Variants in SMARCB1 observed in about 807,000 individuals in gnomAD.
SMARCB1 encodes SWI/SNF-related matrix-associated actin-dependent regulator of chromatin subfamily B member 1.
In SMARCB1, 5 loss-of-function variants were observed where a neutral mutation model predicts 49.0. The ratio of observed to expected loss-of-function variants is 0.10; its 90% CI spans 0.05 to 0.21. The LOEUF (loss-of-function observed/expected upper bound fraction) is 0.21, where lower values mean the gene tolerates loss of function less well. SMARCB1 is among the 10% of genes least tolerant of loss of function. SMARCB1 has a pLI of 1.00. For missense variants in SMARCB1, 226 were observed against 509.2 expected, an observed-to-expected ratio of 0.44 and a Z score of 5.35; for synonymous variants, 201 against 200.1, an observed-to-expected ratio of 1.00 and a Z score of -0.04.
At chr22:23,812,477 T>G (rs1318134376) in intron 5 of SMARCB1, among the ~76,000 whole-genome samples, 1 of 152,156 alleles carries the variant, frequency 6.6e-6, no homozygotes, top group Non-Finnish European at 1.5e-5. Flanking sequence ...TGATCAATTT[T>G]ATAAAGCTCG....
chr22:23,793,597 T>A lies in SMARCB1; in HGVS notation c.271T>A (p.Leu91Ile), dbSNP rs746745700. The A allele has an allele frequency of 6.2e-7, 1 of 1,614,044 alleles. No homozygotes were observed. The highest frequency in any genetic ancestry group is 1.7e-5 in the Admixed American group (1 of 60,012). The change falls in exon 3 of 9, where the codon TTA becomes ATA. Residue 91 changes from leucine to isoleucine, a missense_variant. By Grantham distance (5) the Leu-to-Ile change is conservative. Around this residue, in one of 6 missense-constraint regions of SMARCB1, gnomAD observed 128 missense variants for 263.9 expected, o/e 0.49. Coordinates refer to ENST00000644036, the MANE Select transcript of SMARCB1 (RefSeq NM_003073.5). ...YTTLATSVTL[L>I]KASEVEEILD... is the part of the protein sequence containing the mutation. The stretch of plus-strand genomic sequence containing the variant: ...GACTCTAGCCACCAGTGTGACCCTG[T>A]TAAAAGCCTCGGAAGTGGAAGAGAT...
In SMARCB1 at chr22:23,836,451, C is replaced by G; in HGVS notation, c.*2271C>G. The G allele has an allele frequency of 1.0e-6, 1 of 992,044 alleles. No individual in the cohort carries two copies. Among genetic ancestry groups the G allele is most frequent in the African/African-American group, 1.7e-5 (1 of 57,576 alleles). 61.5% of individuals were successfully genotyped at this position (992,044 alleles called of 1,614,324 possible). ...GAAATCTGGTGAACTTCCCCGCTGA[C>G]TGGCAGGTAGCAGAGGCCTATGGTG... On this transcript the variant is annotated 3_prime_UTR_variant, in exon 9 of 9. Coordinates refer to ENST00000644036, the MANE Select transcript of SMARCB1 (RefSeq NM_003073.5).
At chr22:23,818,135 T>TGG (rs199771832) in intron 6 of SMARCB1, 12,211 of 69,798 alleles carry the variant, frequency 0.17, 653 homozygotes, top group South Asian at 0.38. Context: ...CGAAATACTT[T>TGG]GGGTGTGTGT....
At chr22:23,801,689 GTCTC>G (rs1568942150) in intron 4 of SMARCB1, 1 of 292,516 alleles carries the variant, frequency 3.4e-6, no homozygotes, top group Non-Finnish European at 6.7e-6. Context: ...AAACTTCCCT[GTCTC>G]TCTCTTAGAA....
At chr22:23,826,617 A>G (rs1275370983) in intron 7 of SMARCB1, among the ~76,000 whole-genome samples, 1 of 152,222 alleles carries the variant, frequency 6.6e-6, no homozygotes, top group Admixed American at 6.5e-5. Context: ...ATCTGCAGTC[A>G]TCACTCAGGG....
chr22:23,817,015 A>C, intron 6 of SMARCB1, 79 bp downstream of exon 6: 1 of 1,191,792 alleles, frequency 8.4e-7, no homozygotes, highest in Non-Finnish European at 1.2e-6. Context: ...AGGGTACACC[A>C]AGGCCTCAGC....
intron 6 of SMARCB1, 38 bp from the exon 7 acceptor site, chr22:23,825,187 C>T (rs769803365): frequency 3.7e-6 from 6 of 1,601,964 alleles, no homozygotes; most frequent in Non-Finnish European, 5.1e-6. Context: ...CCCTGGGCTG[C>T]AAAAGCTCTA....
chr22:23,822,957 C>CT lies in SMARCB1; in HGVS notation c.796-2227dup, dbSNP rs58056758. Among the ~76,000 whole-genome samples the CT allele has an allele frequency of 5.5e-4, 40 of 72,758 alleles. 9 individuals carry two copies. Among genetic ancestry groups the CT allele is most frequent in the Non-Finnish European group, 9.9e-4 (37 of 37,374 alleles). 47.7% of individuals were successfully genotyped at this position (72,758 alleles called of 152,430 possible). On this transcript the variant is annotated intron_variant, in intron 6 of 8. Coordinates refer to ENST00000644036, the MANE Select transcript of SMARCB1 (RefSeq NM_003073.5). Reference sequence around the variant, plus strand: ...TCTGTCAGTGCCCCCACCAGCATAGCTTTTTTTTTTTTTTTTTTTTTTTTT... The same window carrying CT: ...TCTGTCAGTGCCCCCACCAGCATAGCTTTTTTTTTTTTTTTTTTTTTTTTTT...
Position 23,837,591 on chromosome 22 carries a change from G to C in SMARCB1, c.*3411G>C. On this transcript the variant is annotated 3_prime_UTR_variant, in exon 9 of 9. Transcript: ENST00000644036. Reference sequence around the variant, plus strand: ...CAGCAAGGATGGGAGAGGGGCCCCAGGGCATAAGCAGCGTGTCCTGAGGGG... The same window carrying C: ...CAGCAAGGATGGGAGAGGGGCCCCACGGCATAAGCAGCGTGTCCTGAGGGG... 1 of 1,524,710 alleles carries C rather than the reference G, an allele frequency of 6.6e-7. No individual in the cohort carries two copies. Among genetic ancestry groups the C allele is most frequent in the South Asian group, 1.2e-5 (1 of 81,508 alleles). The allele number at this position is 1,524,710 out of a possible 1,614,324, so 94.4% of individuals were successfully genotyped here. A position where few individuals can be genotyped will look rare whatever the true frequency, so the allele number is the denominator to read the frequency against.
At chr22:23,801,272 C>A in intron 4 of SMARCB1, 191 bp downstream of exon 4, 1 of 820,204 alleles carries the variant, frequency 1.2e-6, no homozygotes, top group Non-Finnish European at 2.0e-6. Context: ...CTCCTTGGCT[C>A]TGTCTGCTGT....
intron 6 of SMARCB1, chr22:23,817,584 C>T (rs1475082325): frequency 1.3e-5 from 2 of 153,146 alleles, no homozygotes; most frequent in Non-Finnish European, 2.9e-5. Context: ...TTTAGGAAAA[C>T]ATTGATGTAT....
At chr22:23,799,760 C>T (rs1929027144) in intron 3 of SMARCB1, among the ~76,000 whole-genome samples, 2 of 144,456 alleles carry the variant, frequency 1.4e-5, no homozygotes, top group South Asian at 2.2e-4. Flanking sequence ...TGTTGGCTCA[C>T]TGCAAGCTCT....
intron 7 of SMARCB1, chr22:23,825,676 C>A: frequency 1.9e-6 from 1 of 531,874 alleles, no homozygotes; most frequent in African/African-American, 1.9e-5. Flanking sequence ...CAAGTCCTTG[C>A]CTCCACGGAG....
At chr22:23,815,169 C>T (rs1423754064) in intron 5 of SMARCB1, 1 of 152,140 alleles carries the variant, frequency 6.6e-6, no homozygotes, top group African/African-American at 2.4e-5. Flanking sequence ...CTGGGTCACT[C>T]ACAAGCTGCT....
chr22:23,837,278 A>G lies in SMARCB1; in HGVS notation c.*3098A>G. On this transcript the variant is annotated 3_prime_UTR_variant, in exon 9 of 9. Transcript: ENST00000644036. ...GCAGGCCCCACAGCATGAGTGCCCC[A>G]AAGCCTTGCACAGAGTGCCAGCCCC... The G allele has an allele frequency of 7.9e-7, 1 of 1,270,928 alleles. No individual in the cohort carries two copies. Among genetic ancestry groups the G allele is most frequent in the Non-Finnish European group, 1.1e-6 (1 of 908,904 alleles). The allele number at this position is 1,270,928 out of a possible 1,614,324, so 78.7% of individuals were successfully genotyped here.
intron 2 of SMARCB1, 113 bp downstream of exon 2, chr22:23,792,007 A>G: frequency 2.4e-6 from 3 of 1,245,400 alleles, no homozygotes; most frequent in Non-Finnish European, 3.5e-6. Context: ...TTAGTCGGGC[A>G]GGGAGCATCC....
chr22:23,834,381 T>TCCCCCC lies in SMARCB1; in HGVS notation c.*204_*205insCCCCCC. 3.1e-6 allele frequency: 1 copy of TCCCCCC among 319,360 alleles called. No homozygotes were observed. The allele number at this position is 319,360 out of a possible 1,614,324, so 19.8% of individuals were successfully genotyped here. Reference sequence around the variant, plus strand: ...CCCAGTCCTGCCCCCCACCCCACCCTCCCTACCCCTCCCCAGTCTCTGGGG... The same window carrying TCCCCCC: ...CCCAGTCCTGCCCCCCACCCCACCCTCCCCCCCCCTACCCCTCCCCAGTCTCTGGGG... On this transcript the variant is annotated 3_prime_UTR_variant, in exon 9 of 9. Transcript: ENST00000644036.
chr22:23,810,505 G>A lies in SMARCB1; in HGVS notation c.629-6265G>A, dbSNP rs1929800535. Reference sequence around the variant, plus strand: ...ATCACGCCACTGCACTCCAGCCTGGGCAACAGAGCAAGACTCTGTCTCAAA... The same window carrying A: ...ATCACGCCACTGCACTCCAGCCTGGACAACAGAGCAAGACTCTGTCTCAAA... On this transcript the variant is annotated intron_variant, in intron 5 of 8. Coordinates refer to ENST00000644036, the MANE Select transcript of SMARCB1 (RefSeq NM_003073.5). Among the ~76,000 whole-genome samples the A allele has an allele frequency of 5.8e-5, 6 of 103,500 alleles. No individual in the cohort carries two copies. The South Asian group carries it at 1.9e-3, about 33-fold the overall frequency. The allele number at this position is 103,500 out of a possible 152,430, so 67.9% of individuals were successfully genotyped here. A position where few individuals can be genotyped will look rare whatever the true frequency, so the allele number is the denominator to read the frequency against.
chr22:23,834,842 G>A lies in SMARCB1; in HGVS notation c.*662G>A, dbSNP rs373340860. On this transcript the variant is annotated 3_prime_UTR_variant, in exon 9 of 9. Transcript: ENST00000644036. ...TTGCTTGGCCTCAGGAAGGTGCCGC[G>A]AGCTCTCCTGCCGTCCCTGGGCCGC... 1.9e-5 allele frequency: 31 copies of A among 1,612,048 alleles called. No individual in the cohort carries two copies. The highest frequency in any genetic ancestry group is 1.2e-4 in the South Asian group (11 of 90,988).
Sources: allele counts gnomAD v4.1 joint callset (sites outside exome capture counted in the v4.1 genomes callset), GRCh38; gene constraint gnomAD v4.1.1; regional missense constraint gnomAD v4.1.1; transcripts MANE v1.5; gene names NCBI Gene and HGNC (gene_info 2026-07-23, HGNC 2026-07-21).